The following ELOVL6 variants were observed in gnomAD, a reference collection of about 807,000 sequenced individuals.
The protein encoded by ELOVL6 is very long chain fatty acid elongase 6.
ELOVL6 carries 8 observed loss-of-function variants against 31.7 expected under a neutral mutation model. That is an observed-to-expected ratio of 0.25 (90% confidence interval 0.15 to 0.45). The LOEUF (loss-of-function observed/expected upper bound fraction) is 0.45, where lower values mean the gene tolerates loss of function less well. Among genes scored for constraint, ELOVL6 ranks in the 20% least tolerant of loss-of-function variants. The pLI, the probability that ELOVL6 is intolerant of heterozygous loss-of-function variation, is 1.00. For missense variants in ELOVL6, 126 were observed against 326.4 expected (o/e 0.39, Z 4.73); for synonymous variants, 101 against 117.7 (o/e 0.86, Z 0.92).
At chr4:110,116,088 A>AT (rs150014643) in intron 1 of ELOVL6, among the ~76,000 whole-genome samples, 1,605 of 152,298 alleles carry the variant, frequency 0.011, 29 homozygotes, top group African/African-American at 0.035. Context: ...AGAGGCTTCC[A>AT]TTTTAACAAC....
chr4:110,084,245 T>TATATAACATATG (rs1756089357), intron 2 of ELOVL6, among the ~76,000 whole-genome samples: 2 of 134,248 alleles, frequency 1.5e-5, no homozygotes, highest in African/African-American at 5.5e-5. Context: ...ACATATATGA[T>TATATAACATATG]ATATATAACA....
chr4:110,186,161 G>A (rs1759432181), intron 1 of ELOVL6, among the ~76,000 whole-genome samples: 1 of 152,096 alleles, frequency 6.6e-6, no homozygotes, highest in African/African-American at 2.4e-5. Flanking sequence ...CTGTACTACA[G>A]CCTGGGCAAC....
At chr4:110,108,657 G>A (rs1456248900) in intron 1 of ELOVL6, among the ~76,000 whole-genome samples, 4 of 152,222 alleles carry the variant, frequency 2.6e-5, no homozygotes, top group Admixed American at 6.5e-5. Context: ...GTCACTCACA[G>A]TCACACAGCT....
chr4:110,081,818 G>T (rs1755863260), intron 2 of ELOVL6, among the ~76,000 whole-genome samples: 1 of 146,374 alleles, frequency 6.8e-6, no homozygotes, highest in Non-Finnish European at 1.5e-5. Context: ...CCTACAAAAT[G>T]GGAGAAAATT....
At chr4:110,059,985 C>T (rs971197055) in intron 2 of ELOVL6, 4 of 392,072 alleles carry the variant, frequency 1.0e-5, no homozygotes, top group African/African-American at 8.2e-5. Flanking sequence ...ATCACTGTTC[C>T]AAAAAGAGGT....
intron 1 of ELOVL6, among the ~76,000 whole-genome samples, chr4:110,126,470 A>G (rs1223835348): frequency 6.6e-6 from 1 of 152,150 alleles, no homozygotes; most frequent in East Asian, 1.9e-4. Flanking sequence ...CCTCCCAAGG[A>G]AGTATACATA....
chr4:110,059,794 A>G, intron 2 of ELOVL6, 40 bp from the exon 3 acceptor site: 2 of 1,576,080 alleles, frequency 1.3e-6, no homozygotes, highest in Non-Finnish European at 1.7e-6. Context: ...ATTTAGGAAA[A>G]TAGTTTCACT....
rs1232208567 is a variant in ELOVL6 at position 110,092,994 on chromosome 4, C to T, written c.221+12503G>A. The T allele has an allele frequency of 9.3e-6, 3 of 323,594 alleles. No homozygotes were observed. The East Asian group carries it at 2.5e-4, about 27-fold the overall frequency. The allele number at this position is 323,594 out of a possible 1,614,324, so 20.0% of individuals were successfully genotyped here. On this transcript the variant is annotated intron_variant, in intron 2 of 3. Coordinates refer to ENST00000302274, the MANE Select transcript of ELOVL6 (RefSeq NM_024090.3). Reference sequence around the variant, plus strand: ...GTATATTACATCCTAAACTAACACGCAATCTCTTCTAGAATGCTCATTTTA... The same window carrying T: ...GTATATTACATCCTAAACTAACACGTAATCTCTTCTAGAATGCTCATTTTA...
intron 2 of ELOVL6, among the ~76,000 whole-genome samples, chr4:110,081,805 C>A (rs372722987): frequency 6.8e-6 from 1 of 147,326 alleles, no homozygotes. Context: ...AGTGAACAGG[C>A]AACCTACAAA....
intron 2 of ELOVL6, among the ~76,000 whole-genome samples, chr4:110,081,810 T>C (rs1755862706): frequency 6.8e-6 from 1 of 146,946 alleles, no homozygotes; most frequent in South Asian, 2.2e-4. Context: ...ACAGGCAACC[T>C]ACAAAATGGG....
At position 110,090,595 on chromosome 4, in the gene ELOVL6, A is replaced by ACTTC. The variant is rs1179393383; in HGVS notation, c.221+14901_221+14902insGAAG. Among the ~76,000 whole-genome samples the ACTTC allele has an allele frequency of 9.8e-3, 825 of 83,944 alleles. 18 individuals carry two copies. Among genetic ancestry groups the ACTTC allele is most frequent in the African/African-American group, 0.054 (778 of 14,480 alleles). 55.1% of individuals were successfully genotyped at this position (83,944 alleles called of 152,430 possible). On this transcript the variant is annotated intron_variant, in intron 2 of 3. Transcript: ENST00000302274. ...TTCCAGGAACTTACAGGAAAGTTTG[A>ACTTC]CTTTCTTTTTTTTTTTTTTTTTTTT...
chr4:110,158,734 C>T (rs536342565), intron 1 of ELOVL6, among the ~76,000 whole-genome samples: 11 of 144,108 alleles, frequency 7.6e-5, no homozygotes, highest in African/African-American at 2.9e-4. Context: ...AATCTCAGCT[C>T]ACTGCAACCT....
At chr4:110,193,601 C>T (rs1759689033) in intron 1 of ELOVL6, among the ~76,000 whole-genome samples, 3 of 152,128 alleles carry the variant, frequency 2.0e-5, no homozygotes, top group Non-Finnish European at 4.4e-5. Flanking sequence ...GAGACCCTGT[C>T]TCAAAAATAA....
rs59756903 is a variant in ELOVL6, at chr4:110,103,782, G to A, written c.221+1715C>T. On this transcript the variant is annotated intron_variant, in intron 2 of 3. Coordinates refer to ENST00000302274, the MANE Select transcript of ELOVL6 (RefSeq NM_024090.3). The stretch of plus-strand genomic sequence containing the variant: ...ATAAGCCAAAAGATATCAGTTAATG[G>A]AAGTGTAAAGATCTCATTTTGATCT... Among the ~76,000 whole-genome samples the A allele has an allele frequency of 9.6e-3, 1,284 of 133,664 alleles. 16 individuals are homozygous for A. Among genetic ancestry groups the A allele is most frequent in the African/African-American group, 0.034 (1,159 of 33,752 alleles). 87.7% of individuals were successfully genotyped at this position (133,664 alleles called of 152,430 possible).
intron 2 of ELOVL6, among the ~76,000 whole-genome samples, chr4:110,095,010 A>T (rs1291670496): frequency 1.3e-5 from 2 of 152,224 alleles, no homozygotes; most frequent in Non-Finnish European, 1.5e-5. Context: ...AGTTAAGGCA[A>T]TATATAGTCT....
chr4:110,135,020 G>A lies in ELOVL6; in HGVS notation c.90-29392C>T, dbSNP rs1277763614. Among the ~76,000 whole-genome samples, 3 of 152,086 alleles carry A rather than the reference G, an allele frequency of 2.0e-5. No homozygotes were observed. The East Asian group carries it at 5.8e-4, about 29-fold the overall frequency. On this transcript the variant is annotated intron_variant, in intron 1 of 3. Coordinates refer to ENST00000302274, the MANE Select transcript of ELOVL6 (RefSeq NM_024090.3). ...GAACTATGAAGGGCCTTATATTCCA[G>A]GCTAAAAATGTGAGTACTTTCCTTT...
At chr4:110,082,874 A>T (rs960235410) in intron 2 of ELOVL6, among the ~76,000 whole-genome samples, 1 of 152,160 alleles carries the variant, frequency 6.6e-6, no homozygotes, top group East Asian at 1.9e-4. Context: ...TATGGACTCA[A>T]CAATTATCCA....
At chr4:110,182,492 A>G (rs1759316332) in intron 1 of ELOVL6, among the ~76,000 whole-genome samples, 1 of 152,236 alleles carries the variant, frequency 6.6e-6, no homozygotes, top group Non-Finnish European at 1.5e-5. Flanking sequence ...TCTTTGTAGA[A>G]TGAAACTTAT....
chr4:110,081,855 G>A (rs1169085726), intron 2 of ELOVL6, among the ~76,000 whole-genome samples: 1 of 148,068 alleles, frequency 6.8e-6, no homozygotes, highest in Middle Eastern at 3.2e-3. Context: ...CTGACAAAGG[G>A]TTAATACCCA....
Sources: allele counts gnomAD v4.1 joint callset (sites outside exome capture counted in the v4.1 genomes callset), GRCh38; gene constraint gnomAD v4.1.1; transcripts MANE v1.5; gene names NCBI Gene and HGNC (gene_info 2026-07-23, HGNC 2026-07-21).